TAFA5: variants seen among roughly 807,000 people sequenced by gnomAD.
TAFA5 encodes TAFA chemokine like family member 5.
Under a neutral mutation model 15.3 loss-of-function variants are expected in TAFA5, and 6 were observed. That is an observed-to-expected ratio of 0.39 (90% confidence interval 0.21 to 0.77). The LOEUF (loss-of-function observed/expected upper bound fraction) is 0.77. TAFA5 is among the 30% of genes least tolerant of loss of function. The pLI is 0.41. For missense variants in TAFA5, 161 were observed against 193.1 expected (o/e 0.83, Z 0.98); for synonymous variants, 103 against 80.7 (o/e 1.28, Z -1.48).
intron 1 of TAFA5, among the ~76,000 whole-genome samples, chr22:48,496,982 C>G (rs12165439): frequency 0.041 from 6,252 of 152,304 alleles, 429 homozygotes; most frequent in African/African-American, 0.14. Context: ...TCCCAGCCAC[C>G]AGGGGAGGAG....
intron 1 of TAFA5, among the ~76,000 whole-genome samples, chr22:48,625,847 C>T (rs1414517149): frequency 6.6e-6 from 1 of 152,218 alleles, no homozygotes; most frequent in Non-Finnish European, 1.5e-5. Context: ...TCCAACTATT[C>T]ATTCCTCTTT....
intron 2 of TAFA5, among the ~76,000 whole-genome samples, chr22:48,663,099 C>T (rs1022586192): frequency 2.4e-5 from 1 of 41,616 alleles, no homozygotes; most frequent in African/African-American, 1.3e-4. Flanking sequence ...GGTGCTGGGC[C>T]CCTGGGTGTC....
At chr22:48,605,245 GA>G in intron 1 of TAFA5, among the ~76,000 whole-genome samples, 3 of 143,894 alleles carry the variant, frequency 2.1e-5, no homozygotes, top group Non-Finnish European at 3.0e-5. Context: ...TGATGGTGAT[GA>G]TGGTGATGAG....
chr22:48,627,213 A>G (rs1926053775), intron 1 of TAFA5, among the ~76,000 whole-genome samples: 2 of 152,258 alleles, frequency 1.3e-5, no homozygotes, highest in Admixed American at 6.5e-5. Flanking sequence ...CTGGAAGTTC[A>G]GTCTTTTCTG....
chr22:48,678,299 G>C lies in TAFA5; in HGVS notation c.263-29418G>C, dbSNP rs905860099. 6.6e-5 allele frequency among the ~76,000 whole-genome samples: 10 copies of C among 152,322 alleles called. No individual in the cohort carries two copies. The East Asian group carries it at 1.7e-3, about 26-fold the overall frequency. ...GTGCAGCTGATGTTCTGGGGATCCT[G>C]CTGTGCCCCGGGCTCCACACCTGGA... On this transcript the variant is annotated intron_variant, in intron 2 of 3. Transcript: ENST00000402357.
intron 3 of TAFA5, among the ~76,000 whole-genome samples, chr22:48,722,355 A>G (rs1370451447): frequency 2.0e-5 from 3 of 152,216 alleles, no homozygotes; most frequent in African/African-American, 4.8e-5. Context: ...GCACATATAC[A>G]CCATAGAATA....
chr22:48,515,380 T>C (rs1456646671), intron 1 of TAFA5, among the ~76,000 whole-genome samples: 2 of 152,230 alleles, frequency 1.3e-5, no homozygotes, highest in African/African-American at 4.8e-5. Flanking sequence ...TGATCGCAGC[T>C]GTCTGTCCGC....
At chr22:48,610,035 G>A (rs1055204843) in intron 1 of TAFA5, among the ~76,000 whole-genome samples, 1 of 152,228 alleles carries the variant, frequency 6.6e-6, no homozygotes, top group Admixed American at 6.5e-5. Context: ...GGCCTCAGGG[G>A]TTAGAATCTC....
intron 1 of TAFA5, among the ~76,000 whole-genome samples, chr22:48,608,642 C>T (rs1345031415): frequency 6.6e-6 from 1 of 152,224 alleles, no homozygotes; most frequent in African/African-American, 2.4e-5. Flanking sequence ...AGAGAATCCT[C>T]TTGGCGCCAA....
chr22:48,556,199 C>T (rs74872235), intron 1 of TAFA5, among the ~76,000 whole-genome samples: 288 of 152,226 alleles, frequency 1.9e-3, no homozygotes, highest in African/African-American at 6.6e-3. Flanking sequence ...GGGGAGGCTC[C>T]CAGGGGACTG....
chr22:48,544,708 G>A (rs1402821820), intron 1 of TAFA5: 1 of 471,200 alleles, frequency 2.1e-6, no homozygotes, highest in African/African-American at 2.0e-5. Flanking sequence ...CCGCAGATGA[G>A]GGTGCATGTT....
rs188116398 is a variant in TAFA5 at position 48,686,011 on chromosome 22, C to T, written c.263-21706C>T. Among the ~76,000 whole-genome samples, 9 of 151,200 alleles carry T rather than the reference C, an allele frequency of 6.0e-5. No homozygotes were observed. The East Asian group carries it at 9.8e-4, about 17-fold the overall frequency. On this transcript the variant is annotated intron_variant, in intron 2 of 3. Transcript: ENST00000402357. ...GCCCCGGGAGTACACGCAGGCCCCA[C>T]GTGTGCCCCGGGAGTACATGCAGGC...
intron 1 of TAFA5, among the ~76,000 whole-genome samples, chr22:48,632,043 A>C (rs1370921143): frequency 6.6e-6 from 1 of 152,204 alleles, no homozygotes; most frequent in Non-Finnish European, 1.5e-5. Context: ...ACTGAGTGTC[A>C]TGTGAAAACC....
chr22:48,583,744 A>AC (rs1450150055), intron 1 of TAFA5, among the ~76,000 whole-genome samples: 1 of 2,398 alleles, frequency 4.2e-4, no homozygotes, highest in Non-Finnish European at 8.9e-4. Context: ...CCACACAGAC[A>AC]CCACACACAC....
intron 1 of TAFA5, among the ~76,000 whole-genome samples, chr22:48,627,187 T>C (rs1477713740): frequency 6.6e-6 from 1 of 152,242 alleles, no homozygotes; most frequent in African/African-American, 2.4e-5. Flanking sequence ...AGAAACCTGA[T>C]AATAGTTGAA....
At chr22:48,549,127 T>C (rs1922776481) in intron 1 of TAFA5, among the ~76,000 whole-genome samples, 1 of 152,218 alleles carries the variant, frequency 6.6e-6, no homozygotes, top group Non-Finnish European at 1.5e-5. Context: ...CACACCTTTC[T>C]CAAAGGGAAT....
intron 1 of TAFA5, chr22:48,545,488 G>C (rs998756177): frequency 6.3e-6 from 1 of 157,774 alleles, no homozygotes. Context: ...TCTGGGTTAT[G>C]CAGTGATTAC....
intron 2 of TAFA5, among the ~76,000 whole-genome samples, chr22:48,660,449 C>A (rs1927396474): frequency 6.6e-6 from 1 of 152,130 alleles, no homozygotes; most frequent in South Asian, 2.1e-4. Flanking sequence ...AGGTCCAGAC[C>A]CTTCTAGAAA....
At chr22:48,615,831 A>G (rs1925583484) in intron 1 of TAFA5, among the ~76,000 whole-genome samples, 2 of 152,138 alleles carry the variant, frequency 1.3e-5, no homozygotes, top group Admixed American at 6.5e-5. Context: ...ACCCCCTCCC[A>G]GCCAGCCCTC....
Sources: gnomAD v4.1 joint callset for allele counts (sites outside exome capture counted in the v4.1 genomes callset) on GRCh38, gnomAD v4.1.1 for gene constraint, MANE v1.5 for transcripts, NCBI Gene and HGNC (gene_info 2026-07-23, HGNC 2026-07-21) for gene names.